The following HFM1 variants were observed in gnomAD, a reference collection of about 807,000 sequenced individuals.
HFM1 encodes helicase for meiosis 1.
A neutral mutation model predicts 192.1 loss-of-function variants in HFM1; 169 were observed. The ratio of observed to expected loss-of-function variants is 0.88; its 90% CI spans 0.78 to 1.00. HFM1 has a LOEUF of 1.00. Ranked by LOEUF, HFM1 falls within the 50% of genes least tolerant of loss-of-function variation. The pLI is 0.00. For missense variants in HFM1, 1,661 were observed against 1,668.0 expected, an observed-to-expected ratio of 1.00 and a Z score of 0.07; for synonymous variants, 525 against 537.8, an observed-to-expected ratio of 0.98 and a Z score of 0.33.
At chr1:91,304,119 T>C (rs747060536) in intron 30 of HFM1, among the ~76,000 whole-genome samples, 7 of 152,132 alleles carry the variant, frequency 4.6e-5, no homozygotes, top group Non-Finnish European at 8.8e-5. Context: ...CCTCCCAAAG[T>C]GTTGGGATTA....
chr1:91,328,262 G>A lies in HFM1; in HGVS notation c.2336-3496C>T, dbSNP rs187163986. 442 of 688,872 alleles carry A rather than the reference G, an allele frequency of 6.4e-4. 3 individuals are homozygous for A. The highest frequency in any genetic ancestry group is 4.3e-3 in the African/African-American group (237 of 54,858). 42.7% of individuals were successfully genotyped at this position (688,872 alleles called of 1,614,324 possible). A position where few individuals can be genotyped will look rare whatever the true frequency, so the allele number is the denominator to read the frequency against. On this transcript the variant is annotated intron_variant, in intron 20 of 38. Coordinates refer to ENST00000370425, the MANE Select transcript of HFM1 (RefSeq NM_001017975.6). ...AGAAGGGCTGAGTGTCAGGCGACCC[G>A]CAGCTAAGCTGAGGGGGGAAAGTGG...
At chr1:91,261,445 CAATAA>C in intron 38 of HFM1, 86 bp from the exon 39 acceptor site, 1 of 547,694 alleles carries the variant, frequency 1.8e-6, no homozygotes. Context: ...ATACTAAACA[CAATAA>C]AATAAACTTG....
chr1:91,338,796 C>G (rs78167983), intron 20 of HFM1, among the ~76,000 whole-genome samples: 14,675 of 152,152 alleles, frequency 0.096, 746 homozygotes, highest in East Asian at 0.17. Flanking sequence ...CCCTGCTGTG[C>G]CACCACCACT....
intron 20 of HFM1, among the ~76,000 whole-genome samples, chr1:91,331,113 G>C (rs918341904): frequency 6.6e-6 from 1 of 152,164 alleles, no homozygotes. Flanking sequence ...CCATAGTATT[G>C]GAAGTCCTAG....
intron 4 of HFM1, among the ~76,000 whole-genome samples, chr1:91,390,267 C>G (rs900025148): frequency 6.6e-6 from 1 of 152,024 alleles, no homozygotes; most frequent in African/African-American, 2.4e-5. Flanking sequence ...GAAATTCCGT[C>G]TCTACTAAAA....
chr1:91,289,176 C>G (rs1668394491), intron 30 of HFM1, among the ~76,000 whole-genome samples: 2 of 152,050 alleles, frequency 1.3e-5, no homozygotes, highest in African/African-American at 4.8e-5. Flanking sequence ...CTCCTCACCT[C>G]CCAGACGGGG....
chr1:91,395,363 C>T (rs1663531592), intron 3 of HFM1, among the ~76,000 whole-genome samples: 1 of 151,898 alleles, frequency 6.6e-6, no homozygotes, highest in African/African-American at 2.4e-5. Context: ...GTATTATGTG[C>T]ATTTATGTAC....
rs775049733 is a variant in HFM1 at position 91,323,106 on chromosome 1, G to A, written c.2521C>T (p.Arg841Trp). 21 of 1,549,696 alleles carry A rather than the reference G, an allele frequency of 1.4e-5. No individual in the cohort carries two copies. The highest frequency in any genetic ancestry group is 1.1e-4 in the South Asian group (9 of 85,210). The change falls in exon 22 of 39, where the codon CGG becomes TGG. Residue 841 changes from arginine (R) to tryptophan (W), a missense_variant. Physicochemically the swap from Arg to Trp is moderately radical, Grantham distance 101 (BLOSUM62 -3). Coordinates refer to ENST00000370425, the MANE Select transcript of HFM1 (RefSeq NM_001017975.6). ...TLNTLNKDPN[R>W]ITIRFPMEGR... is the part of the protein sequence containing the mutation. ...TAATTTCTGTACCTGATAGTTATCC[G>A]ATTTGGATCTTTGTTCAAAGTATTC...
intron 13 of HFM1, among the ~76,000 whole-genome samples, chr1:91,371,820 A>C (rs1050611285): frequency 6.6e-6 from 1 of 152,160 alleles, no homozygotes; most frequent in Admixed American, 6.5e-5. Context: ...ATGGGAGAAA[A>C]TTTTTGCCAT....
At chr1:91,304,228 C>CT (rs1285270985) in intron 30 of HFM1, among the ~76,000 whole-genome samples, 3 of 152,050 alleles carry the variant, frequency 2.0e-5, no homozygotes, top group Non-Finnish European at 2.9e-5. Flanking sequence ...ATACTCAATA[C>CT]AAGTTAGTTA....
At chr1:91,306,956 C>A (rs1649695339) in intron 30 of HFM1, among the ~76,000 whole-genome samples, 1 of 152,244 alleles carries the variant, frequency 6.6e-6, no homozygotes, top group East Asian at 1.9e-4. Flanking sequence ...CAAACTATGT[C>A]AAATTTATCA....
chr1:91,329,349 G>C, intron 20 of HFM1: 1 of 1,601,980 alleles, frequency 6.2e-7, no homozygotes. Flanking sequence ...CCACAGTGGG[G>C]TCAAGAGGCT....
In HFM1 at chr1:91,316,454, G is replaced by A. The variant is rs74843031; in HGVS notation, c.2835C>T (p.Ile945=). Residue 945 remains isoleucine (I), a synonymous_variant, in exon 26 of 39, where the codon ATC becomes ATT. Transcript: ENST00000370425. ...TAAAGGAAGTCAAACCAGCATTTAC[G>A]ATTGCATTTGACAATGTTATACCTG... ...EKIGITLSNA[I]VNAGLTSFKK... is the part of the protein sequence containing the mutation. 129,033 of 1,559,894 alleles carry A rather than the reference G, an allele frequency of 0.083. 5,759 individuals carry two copies. Among genetic ancestry groups the A allele is most frequent in the East Asian group, 0.15 (6,603 of 43,332 alleles).
Position 91,385,822 on chromosome 1 carries a change from T to C in HFM1, c.507A>G (p.Ile169Met), listed in dbSNP as rs1359970876. 1 of 1,593,928 alleles carries C rather than the reference T, an allele frequency of 6.3e-7. No individual in the cohort carries two copies. The highest frequency in any genetic ancestry group is 1.4e-5 in the African/African-American group (1 of 74,042). ...TSVFRKRLFKISDNIHGSAYS... is the reference protein window; with the variant it reads ...TSVFRKRLFKMSDNIHGSAYS... ...AAGCACTCCCATGTATATTGTCAGA[T>C]ATTTTAAATAATCTGCAAACAAAAA... Residue 169 changes from isoleucine (I) to methionine (M), a missense_variant, in exon 5 of 39, where the codon ATA (isoleucine) becomes ATG (methionine). Coordinates refer to ENST00000370425, the MANE Select transcript of HFM1 (RefSeq NM_001017975.6).
At chr1:91,287,403 T>C (rs9659536) in intron 30 of HFM1, among the ~76,000 whole-genome samples, 3 of 151,600 alleles carry the variant, frequency 2.0e-5, no homozygotes, top group Non-Finnish European at 4.4e-5. Flanking sequence ...AGGGGCAGAC[T>C]GACACCTCAC....
intron 5 of HFM1, 35 bp from the exon 6 acceptor site, chr1:91,385,269 C>CAA (rs147504208): frequency 3.9e-5 from 47 of 1,210,724 alleles, no homozygotes; most frequent in Admixed American, 1.8e-4. Context: ...ATATAAATAT[C>CAA]AAAAAAAAAT....
At chr1:91,375,072 A>C (rs2101962050) in intron 13 of HFM1, among the ~76,000 whole-genome samples, 1 of 152,244 alleles carries the variant, frequency 6.6e-6, no homozygotes, top group East Asian at 1.9e-4. Flanking sequence ...CTTAAAGATT[A>C]ATTCGCAAGA....
At chr1:91,275,637 T>G (rs1328154175) in intron 32 of HFM1, among the ~76,000 whole-genome samples, 1 of 152,220 alleles carries the variant, frequency 6.6e-6, no homozygotes, top group African/African-American at 2.4e-5. Context: ...TTTTTGACTG[T>G]TCCTTCTATT....
intron 23 of HFM1, among the ~76,000 whole-genome samples, chr1:91,321,763 T>C (rs181053715): frequency 3.3e-5 from 5 of 152,290 alleles, no homozygotes; most frequent in Admixed American, 3.3e-4. Flanking sequence ...TAAAAACAAT[T>C]ATAAAGTATA....
Sources: allele counts gnomAD v4.1 joint callset (sites outside exome capture counted in the v4.1 genomes callset), GRCh38; gene constraint gnomAD v4.1.1; transcripts MANE v1.5; gene names NCBI Gene and HGNC (gene_info 2026-07-23, HGNC 2026-07-21).